The following RALYL variants were observed in gnomAD, a reference collection of about 807,000 sequenced individuals.
RALYL encodes the protein RALY RNA binding protein like, also known as RNA-binding Raly-like protein.
RALYL carries 29 observed loss-of-function variants against 35.1 expected under a neutral mutation model. That is an observed-to-expected ratio of 0.83 (90% CI 0.61 to 1.13). RALYL has a LOEUF of 1.13. RALYL is among the 50% of genes most tolerant of loss of function. RALYL has a pLI of 0.00. For synonymous variants in RALYL, 120 were observed against 127.6 expected (o/e 0.94, Z 0.40); for missense variants, 359 against 360.4 (o/e 1.00, Z 0.03).
At chr8:84,846,296 T>C (rs913381980) in intron 4 of RALYL, among the ~76,000 whole-genome samples, 3 of 152,206 alleles carry the variant, frequency 2.0e-5, no homozygotes, top group Non-Finnish European at 4.4e-5. Flanking sequence ...TTCTATATTT[T>C]ATGTTGTGAT....
At chr8:84,418,333 A>C (rs1265049428) in intron 1 of RALYL, among the ~76,000 whole-genome samples, 1 of 152,174 alleles carries the variant, frequency 6.6e-6, no homozygotes, top group Non-Finnish European at 1.5e-5. Context: ...TTCTTATGGA[A>C]ATAAAATGAA....
chr8:84,873,295 G>T lies in RALYL; in HGVS notation c.583G>T (p.Glu195Ter). The T allele has an allele frequency of 6.4e-7, 1 of 1,573,714 alleles. No homozygotes were observed. The highest frequency in any genetic ancestry group is 8.7e-7 in the Non-Finnish European group (1 of 1,153,252). Reference protein sequence around the residue: ...GSTGSKLKSDELQTIKKELTQ... With the variant: ...GSTGSKLKSD ...TTTCTACTTTCCAGTGAAATCAGATGAGTTACAGACCATCAAGAAAGAATT... is the reference window on the plus strand; with the variant it reads ...TTTCTACTTTCCAGTGAAATCAGATTAGTTACAGACCATCAAGAAAGAATT... The change falls in exon 7 of 9, where the codon GAG becomes TAG. Residue 195 changes from glutamate (E) to a stop codon, truncating the protein, a stop_gained. Coordinates refer to ENST00000521268, the MANE Select transcript of RALYL (RefSeq NM_173848.7). LOFTEE classifies it high-confidence loss of function.
chr8:84,506,683 T>C (rs998299361), intron 1 of RALYL, among the ~76,000 whole-genome samples: 5 of 152,030 alleles, frequency 3.3e-5, no homozygotes, highest in African/African-American at 9.7e-5. Flanking sequence ...ATCTAAAATA[T>C]GATAAATTTT....
At chr8:84,251,334 C>T (rs1830158115) in intron 1 of RALYL, among the ~76,000 whole-genome samples, 1 of 152,064 alleles carries the variant, frequency 6.6e-6, no homozygotes, top group Non-Finnish European at 1.5e-5. Context: ...GATACAGAAA[C>T]AAAGTTGTTA....
At chr8:84,838,547 A>G (rs1023162207) in intron 4 of RALYL, among the ~76,000 whole-genome samples, 1 of 152,224 alleles carries the variant, frequency 6.6e-6, no homozygotes, top group Non-Finnish European at 1.5e-5. Context: ...GATTACCAAG[A>G]CAGGTCTGTT....
intron 2 of RALYL, among the ~76,000 whole-genome samples, chr8:84,699,104 T>C (rs553088653): frequency 6.6e-6 from 1 of 152,122 alleles, no homozygotes; most frequent in African/African-American, 2.4e-5. Context: ...TAGATAAGTG[T>C]ATACATCCTA....
At chr8:84,877,818 G>C (rs1445708058) in intron 7 of RALYL, among the ~76,000 whole-genome samples, 1 of 152,140 alleles carries the variant, frequency 6.6e-6, no homozygotes, top group Non-Finnish European at 1.5e-5. Flanking sequence ...GATATGATCT[G>C]ACTGCTGTAG....
intron 2 of RALYL, among the ~76,000 whole-genome samples, chr8:84,550,642 G>T (rs1440772976): frequency 2.0e-5 from 3 of 151,238 alleles, no homozygotes; most frequent in Non-Finnish European, 4.4e-5. Flanking sequence ...AGCAAAAGTA[G>T]GCTTATATTA....
chr8:84,404,215 A>T (rs2132036838), intron 1 of RALYL, among the ~76,000 whole-genome samples: 1 of 152,188 alleles, frequency 6.6e-6, no homozygotes. Context: ...TATGTTAAAT[A>T]GGAGTCGTGA....
At chr8:84,818,438 G>A (rs764714685) in intron 4 of RALYL, among the ~76,000 whole-genome samples, 3 of 152,090 alleles carry the variant, frequency 2.0e-5, no homozygotes, top group Non-Finnish European at 2.9e-5. Flanking sequence ...TTCAAGGTGA[G>A]GTAAGAATTC....
At chr8:84,462,854 T>A (rs2050969342) in intron 1 of RALYL, among the ~76,000 whole-genome samples, 3 of 151,794 alleles carry the variant, frequency 2.0e-5, no homozygotes, top group African/African-American at 7.2e-5. Context: ...ATCCTGAAGT[T>A]CATCATCAAA....
intron 1 of RALYL, among the ~76,000 whole-genome samples, chr8:84,293,488 T>A (rs1366880573): frequency 1.3e-5 from 2 of 151,992 alleles, no homozygotes; most frequent in African/African-American, 4.8e-5. Context: ...CATCACCTCT[T>A]GGCCTGATTT....
intron 1 of RALYL, among the ~76,000 whole-genome samples, chr8:84,269,137 C>CT (rs1269504048): frequency 1.3e-5 from 2 of 152,038 alleles, no homozygotes; most frequent in East Asian, 3.8e-4. Flanking sequence ...TATTTTAGGT[C>CT]TTTCAAGAGC....
intron 2 of RALYL, among the ~76,000 whole-genome samples, chr8:84,556,139 G>T (rs918349012): frequency 6.6e-6 from 1 of 152,136 alleles, no homozygotes; most frequent in Non-Finnish European, 1.5e-5. Context: ...GGACAAGAGT[G>T]ATTTGTGCAA....
intron 2 of RALYL, chr8:84,706,140 C>T (rs1186979072): frequency 1.6e-6 from 2 of 1,287,596 alleles, no homozygotes; most frequent in Non-Finnish European, 2.2e-6. Flanking sequence ...CTAATCATGA[C>T]TTCTTCAGAT....
intron 1 of RALYL, among the ~76,000 whole-genome samples, chr8:84,320,779 A>C (rs1290000015): frequency 6.6e-6 from 1 of 152,146 alleles, no homozygotes; most frequent in East Asian, 1.9e-4. Context: ...AAGTAGAGTT[A>C]GAGAACTAAA....
chr8:84,833,410 G>T (rs1432650405), intron 4 of RALYL, among the ~76,000 whole-genome samples: 2 of 152,158 alleles, frequency 1.3e-5, no homozygotes, highest in Non-Finnish European at 2.9e-5. Flanking sequence ...GGCCAAGGCG[G>T]CTAGATCATT....
intron 2 of RALYL, among the ~76,000 whole-genome samples, chr8:84,586,070 C>T (rs896430067): frequency 2.6e-5 from 4 of 151,904 alleles, no homozygotes; most frequent in Non-Finnish European, 5.9e-5. Context: ...TGGCACACAC[C>T]TGTAATCCCA....
intron 2 of RALYL, among the ~76,000 whole-genome samples, chr8:84,553,246 C>G (rs1171499239): frequency 6.6e-6 from 1 of 152,162 alleles, no homozygotes; most frequent in African/African-American, 2.4e-5. Context: ...ACTGTAACCT[C>G]TAATACCTGG....
Sources: gnomAD v4.1 joint callset for allele counts (sites outside exome capture counted in the v4.1 genomes callset) on GRCh38, gnomAD v4.1.1 for gene constraint, MANE v1.5 for transcripts, NCBI Gene and HGNC (gene_info 2026-07-23, HGNC 2026-07-21) for gene names.